The following LINGO2 variants were observed in gnomAD, a reference collection of about 807,000 sequenced individuals.
LINGO2 encodes the protein leucine-rich repeat and immunoglobulin-like domain-containing nogo receptor-interacting protein 2.
A neutral mutation model predicts 30.6 loss-of-function variants in LINGO2; 14 were observed. The observed-to-expected ratio is 0.46, with a 90% confidence interval of 0.30 to 0.72. The LOEUF (loss-of-function observed/expected upper bound fraction) is 0.72, where lower values mean the gene tolerates loss of function less well. Ranked by LOEUF, LINGO2 falls within the 30% of genes least tolerant of loss-of-function variation. The pLI, the probability that LINGO2 is intolerant of heterozygous loss-of-function variation, is 0.07. For synonymous variants in LINGO2, 317 were observed against 288.5 expected (o/e 1.10, Z -1.00); for missense variants, 729 against 751.7 (o/e 0.97, Z 0.35).
chr9:28,590,817 C>G (rs1824855963), intron 1 of LINGO2, among the ~76,000 whole-genome samples: 1 of 152,042 alleles, frequency 6.6e-6, no homozygotes. Context: ...GGTATATACC[C>G]AAAGGATTAT....
At chr9:29,114,501 C>T in the LINGO2 span, among the ~76,000 whole-genome samples, 1 of 150,538 alleles carries the variant, frequency 6.6e-6, no homozygotes, top group Non-Finnish European at 1.5e-5. Flanking sequence ...GTGCTGCACC[C>T]ATTAACTCGT....
intron 4 of LINGO2, among the ~76,000 whole-genome samples, chr9:28,047,800 GT>G (rs869269465): frequency 1.7e-4 from 7 of 41,578 alleles, no homozygotes; most frequent in Non-Finnish European, 7.9e-4. Context: ...AAAGAGCAAA[GT>G]ATTTTTTTTA....
At chr9:28,457,610 C>T (rs774454621) in intron 2 of LINGO2, among the ~76,000 whole-genome samples, 26 of 151,638 alleles carry the variant, frequency 1.7e-4, no homozygotes, top group Admixed American at 9.2e-4. Flanking sequence ...TAAAAAAAAA[C>T]CCTAAGAGAT....
At chr9:28,702,992 CTGACA>C in the LINGO2 span, among the ~76,000 whole-genome samples, 1 of 151,628 alleles carries the variant, frequency 6.6e-6, no homozygotes, top group African/African-American at 2.4e-5. Context: ...TCTTTCATTC[CTGACA>C]TAAGTAATTT....
the LINGO2 span, among the ~76,000 whole-genome samples, chr9:29,193,384 C>A: frequency 6.6e-6 from 1 of 152,236 alleles, no homozygotes; most frequent in East Asian, 1.9e-4. Flanking sequence ...CCATCATAGG[C>A]ATTGTGAACC....
At chr9:28,896,497 G>A in the LINGO2 span, among the ~76,000 whole-genome samples, 1 of 152,064 alleles carries the variant, frequency 6.6e-6, no homozygotes, top group East Asian at 1.9e-4. Flanking sequence ...TACATAATGA[G>A]AATGTTAGTA....
the LINGO2 span, among the ~76,000 whole-genome samples, chr9:28,863,178 G>A: frequency 0.17 from 26,417 of 151,920 alleles, 2,412 homozygotes; most frequent in East Asian, 0.32. Context: ...CAAAAGTACT[G>A]CATAACAATG....
chr9:28,319,219 A>G (rs1824950464), intron 3 of LINGO2, among the ~76,000 whole-genome samples: 1 of 152,164 alleles, frequency 6.6e-6, no homozygotes, highest in African/African-American at 2.4e-5. Context: ...TTCAAAAGTA[A>G]TAGGGATGGC....
At chr9:29,079,815 A>G in the LINGO2 span, among the ~76,000 whole-genome samples, 1 of 152,030 alleles carries the variant, frequency 6.6e-6, no homozygotes, top group African/African-American at 2.4e-5. Context: ...TAGAAGATGA[A>G]CAAGCAAGTG....
chr9:28,210,804 A>AT (rs71502442), intron 4 of LINGO2, among the ~76,000 whole-genome samples: 7 of 151,164 alleles, frequency 4.6e-5, no homozygotes, highest in African/African-American at 7.3e-5. Flanking sequence ...TTATATTTTT[A>AT]TTTTTTTCAT....
At chr9:28,887,391 A>G in the LINGO2 span, among the ~76,000 whole-genome samples, 1 of 152,080 alleles carries the variant, frequency 6.6e-6, no homozygotes, top group Non-Finnish European at 1.5e-5. Context: ...TGAACTATAC[A>G]TTCCAGAAAA....
At chr9:29,077,973 A>T in the LINGO2 span, among the ~76,000 whole-genome samples, 7 of 152,112 alleles carry the variant, frequency 4.6e-5, no homozygotes, top group Admixed American at 4.6e-4. Context: ...TGAATATCCA[A>T]ATGATTGCTT....
rs917833187 is a variant in LINGO2, at chr9:28,270,072, C to T, written c.-87+25136G>A. The stretch of plus-strand genomic sequence containing the variant: ...ATCTGAAATTACTTCAAATGCCATA[C>T]CTTTAAGGTTCTGAAGATACCCTGG... On this transcript the variant is annotated intron_variant, in intron 4 of 5. Coordinates refer to ENST00000379992, the Ensembl canonical transcript of LINGO2. 2.0e-5 allele frequency among the ~76,000 whole-genome samples: 3 copies of T among 152,084 alleles called. No homozygotes were observed. The East Asian group carries it at 5.8e-4, about 29-fold the overall frequency.
At chr9:28,216,734 T>C (rs976742848) in intron 4 of LINGO2, among the ~76,000 whole-genome samples, 1 of 151,956 alleles carries the variant, frequency 6.6e-6, no homozygotes, top group Non-Finnish European at 1.5e-5. Context: ...GGCAGCAATA[T>C]TTCTTAGAAC....
At chr9:28,040,911 G>A (rs1824170158) in intron 4 of LINGO2, among the ~76,000 whole-genome samples, 1 of 152,140 alleles carries the variant, frequency 6.6e-6, no homozygotes, top group Non-Finnish European at 1.5e-5. Flanking sequence ...ATGCTATAGA[G>A]GTAGAGGAAT....
chr9:28,351,797 C>G (rs1421309242), intron 3 of LINGO2, among the ~76,000 whole-genome samples: 1 of 151,818 alleles, frequency 6.6e-6, no homozygotes, highest in Non-Finnish European at 1.5e-5. Context: ...AGAAGCTTAT[C>G]CACCATGATC....
At chr9:28,118,382 T>G (rs1826996190) in intron 4 of LINGO2, among the ~76,000 whole-genome samples, 1 of 152,214 alleles carries the variant, frequency 6.6e-6, no homozygotes, top group East Asian at 1.9e-4. Flanking sequence ...CCATATCCAG[T>G]TGTCTCCAGA....
intron 1 of LINGO2, among the ~76,000 whole-genome samples, chr9:28,617,306 T>C (rs1242605856): frequency 6.6e-6 from 1 of 151,814 alleles, no homozygotes; most frequent in Admixed American, 6.6e-5. Flanking sequence ...TCTTTTCTTT[T>C]TTTTTTCGAG....
At chr9:28,326,975 C>T (rs1376863122) in intron 3 of LINGO2, among the ~76,000 whole-genome samples, 1 of 152,080 alleles carries the variant, frequency 6.6e-6, no homozygotes, top group Non-Finnish European at 1.5e-5. Flanking sequence ...TTGTGTCTCT[C>T]CAAAATTCAT....
Sources: gnomAD v4.1 joint callset for allele counts (sites outside exome capture counted in the v4.1 genomes callset) on GRCh38, gnomAD v4.1.1 for gene constraint, MANE v1.5 for transcripts, NCBI Gene and HGNC (gene_info 2026-07-23, HGNC 2026-07-21) for gene names.